Variants in PHF21A observed in about 807,000 individuals in gnomAD.
The protein encoded by PHF21A is BHC80a.
PHF21A carries 11 observed loss-of-function variants against 82.5 expected under a neutral mutation model. The ratio of observed to expected loss-of-function variants is 0.13; its 90% confidence interval spans 0.08 to 0.22. The LOEUF is 0.22. Among genes scored for constraint, PHF21A ranks in the 10% least tolerant of loss-of-function variants. The pLI is 1.00. For synonymous variants in PHF21A, 297 were observed against 302.8 expected (o/e 0.98, Z 0.20); for missense variants, 579 against 837.8 (o/e 0.69, Z 3.81).
chr11:46,101,562 T>C (rs1041830472), intron 1 of PHF21A, among the ~76,000 whole-genome samples: 1 of 152,208 alleles, frequency 6.6e-6, no homozygotes, highest in Non-Finnish European at 1.5e-5. Flanking sequence ...TAAAGGCTCT[T>C]GTCTCAAATG....
intron 1 of PHF21A, among the ~76,000 whole-genome samples, chr11:46,112,856 C>T (rs1281634543): frequency 6.6e-6 from 1 of 152,148 alleles, no homozygotes; most frequent in Non-Finnish European, 1.5e-5. Flanking sequence ...AGACCTGTAT[C>T]GCCACATGCA....
intron 6 of PHF21A, among the ~76,000 whole-genome samples, chr11:46,053,366 C>T (rs2139230851): frequency 6.6e-6 from 1 of 152,180 alleles, no homozygotes; most frequent in East Asian, 1.9e-4. Context: ...AAGAAATGCA[C>T]AACTAATATT....
chr11:45,958,627 A>G (rs1370191525), intron 10 of PHF21A, among the ~76,000 whole-genome samples: 1 of 151,228 alleles, frequency 6.6e-6, no homozygotes, highest in Non-Finnish European at 1.5e-5. Context: ...GAAAAAAATT[A>G]AATTATAGAC....
intron 4 of PHF21A, among the ~76,000 whole-genome samples, chr11:46,081,574 A>C (rs1238438616): frequency 6.6e-6 from 1 of 152,270 alleles, no homozygotes; most frequent in Non-Finnish European, 1.5e-5. Flanking sequence ...GTAAGCAGTT[A>C]AACTGCATTT....
intron 6 of PHF21A, among the ~76,000 whole-genome samples, chr11:46,074,961 G>C (rs1339980330): frequency 6.6e-6 from 1 of 152,166 alleles, no homozygotes; most frequent in South Asian, 2.1e-4. Flanking sequence ...AACAGTTAAG[G>C]AAATATAAAA....
At chr11:46,109,918 T>A (rs1593361978) in intron 1 of PHF21A, among the ~76,000 whole-genome samples, 1 of 151,750 alleles carries the variant, frequency 6.6e-6, no homozygotes, top group East Asian at 1.9e-4. Context: ...GAGGTAGTGG[T>A]TGCAGTGAGC....
In PHF21A at chr11:45,945,878, C is replaced by A; in HGVS notation, c.1414G>T (p.Val472Phe). The A allele has an allele frequency of 6.2e-7, 1 of 1,606,152 alleles. No individual in the cohort carries two copies. Among genetic ancestry groups the A allele is most frequent in the Non-Finnish European group, 8.5e-7 (1 of 1,175,914 alleles). The stretch of plus-strand genomic sequence containing the variant: ...GGGCTGGGCAGGGACACAGGCTGAA[C>A]AGGTGCAGGGAAAGTGAATGTGGTC... ...TETTFTFPAP[V>F]QPVSLPSPTS... Residue 472 changes from valine (V) to phenylalanine (F), a missense_variant, in exon 15 of 19, where the codon GTT becomes TTT. Physicochemically the swap from Val to Phe is conservative, Grantham distance 50. Coordinates refer to ENST00000676320, the MANE Select transcript of PHF21A (RefSeq NM_001352027.3).
At chr11:46,120,135 T>TCA (rs911282519) in intron 1 of PHF21A, among the ~76,000 whole-genome samples, 1 of 146,898 alleles carries the variant, frequency 6.8e-6, no homozygotes, top group African/African-American at 2.5e-5. Context: ...ACACTCACAC[T>TCA]CACACACACA....
chr11:46,113,780 C>A (rs986178870), intron 1 of PHF21A, among the ~76,000 whole-genome samples: 2 of 149,032 alleles, frequency 1.3e-5, no homozygotes, highest in Non-Finnish European at 3.0e-5. Flanking sequence ...GAGCTAATAT[C>A]GCACCACTGC....
chr11:46,010,443 TAC>T (rs1565521931), intron 6 of PHF21A, among the ~76,000 whole-genome samples: 2 of 152,358 alleles, frequency 1.3e-5, no homozygotes, highest in South Asian at 2.1e-4. Flanking sequence ...TCTAAAATTA[TAC>T]AGTTAAGTGG....
At chr11:46,016,177 TG>T (rs1343864026) in intron 6 of PHF21A, among the ~76,000 whole-genome samples, 1 of 152,238 alleles carries the variant, frequency 6.6e-6, no homozygotes, top group African/African-American at 2.4e-5. Flanking sequence ...TATAATCTTA[TG>T]GGACCACCAT....
intron 6 of PHF21A, among the ~76,000 whole-genome samples, chr11:46,009,221 G>A (rs760095965): frequency 9.2e-5 from 14 of 151,904 alleles, no homozygotes; most frequent in Non-Finnish European, 1.5e-4. Context: ...TAATCTGCCC[G>A]CCTCGGTCTC....
chr11:46,032,384 G>A (rs1182615260), intron 6 of PHF21A, among the ~76,000 whole-genome samples: 1 of 151,826 alleles, frequency 6.6e-6, no homozygotes, highest in South Asian at 2.1e-4. Context: ...CATGTCCTTC[G>A]TTTATTTAAT....
chr11:46,017,121 C>T (rs897832811), intron 6 of PHF21A, among the ~76,000 whole-genome samples: 9 of 152,108 alleles, frequency 5.9e-5, no homozygotes, highest in Admixed American at 5.2e-4. Context: ...CAGGCATGTG[C>T]CACCACACCC....
chr11:45,967,823 T>C (rs925933527), intron 9 of PHF21A, among the ~76,000 whole-genome samples: 3 of 152,240 alleles, frequency 2.0e-5, no homozygotes, highest in Admixed American at 1.3e-4. Flanking sequence ...AAATATATTT[T>C]ACTCTGTAAT....
intron 6 of PHF21A, among the ~76,000 whole-genome samples, chr11:46,034,363 A>G (rs1228312872): frequency 6.6e-6 from 1 of 152,132 alleles, no homozygotes; most frequent in East Asian, 1.9e-4. Context: ...CTGTTTTTGC[A>G]ATTTTGCTTT....
chr11:45,940,992 C>G (rs533133683), intron 15 of PHF21A, among the ~76,000 whole-genome samples: 3 of 152,278 alleles, frequency 2.0e-5, no homozygotes, highest in East Asian at 3.9e-4. Flanking sequence ...GGTGTATATA[C>G]CCTATAATTT....
chr11:46,065,256 C>A (rs2096580781), intron 6 of PHF21A, among the ~76,000 whole-genome samples: 1 of 152,224 alleles, frequency 6.6e-6, no homozygotes, highest in African/African-American at 2.4e-5. Context: ...TATGACAGAA[C>A]TGTGGTCAAT....
intron 10 of PHF21A, among the ~76,000 whole-genome samples, chr11:45,963,271 T>G (rs2093223831): frequency 6.6e-6 from 1 of 151,578 alleles, no homozygotes. Flanking sequence ...AATACAAAAA[T>G]TAGCCGGGTG....
Sources: allele counts gnomAD v4.1 joint callset (sites outside exome capture counted in the v4.1 genomes callset), GRCh38; gene constraint gnomAD v4.1.1; transcripts MANE v1.5; gene names NCBI Gene and HGNC (gene_info 2026-07-23, HGNC 2026-07-21).